CAMK2B: variants seen among roughly 807,000 people sequenced by gnomAD.
CAMK2B encodes calcium/calmodulin dependent protein kinase II beta.
In CAMK2B, 27 loss-of-function variants were observed where a neutral mutation model predicts 93.7. That is an observed-to-expected ratio of 0.29 (90% CI 0.21 to 0.40). The LOEUF is 0.40. Ranked by LOEUF, CAMK2B falls within the 10% of genes least tolerant of loss-of-function variation. The probability of loss-of-function intolerance (pLI) is 1.00; values close to 1 mark genes in which losing one functional copy is unlikely to be tolerated. For missense variants in CAMK2B, 568 were observed against 895.8 expected (o/e 0.63, Z 4.67); for synonymous variants, 374 against 358.8 (o/e 1.04, Z -0.48).
chr7:44,282,591 G>A (rs1237224267), intron 2 of CAMK2B, among the ~76,000 whole-genome samples: 1 of 152,216 alleles, frequency 6.6e-6, no homozygotes, highest in Non-Finnish European at 1.5e-5. Context: ...GACAAGGGCT[G>A]GGACAGGAGC....
In CAMK2B at chr7:44,320,533, C is replaced by T. The variant is rs551648056; in HGVS notation, c.65+4824G>A. 4.4e-4 allele frequency among the ~76,000 whole-genome samples: 67 copies of T among 152,240 alleles called. 1 individual carries two copies. In the South Asian group the frequency reaches 0.013, roughly 30 times the overall value. On this transcript the variant is annotated intron_variant, in intron 1 of 23. Coordinates refer to ENST00000395749, the MANE Select transcript of CAMK2B (RefSeq NM_001220.5). ...TACAGTACCTACTTCACAGATCTAG[C>T]GCGTTAATATAATAAGCACCATTTA...
At chr7:44,308,967 G>A (rs551193657) in intron 1 of CAMK2B, among the ~76,000 whole-genome samples, 2 of 152,346 alleles carry the variant, frequency 1.3e-5, no homozygotes, top group African/African-American at 4.8e-5. Context: ...ACTGAGCTGC[G>A]GTGACCAGCC....
chr7:44,248,067 A>G lies in CAMK2B; in HGVS notation c.342-875T>C, dbSNP rs1045804817. 3.3e-5 allele frequency among the ~76,000 whole-genome samples: 5 copies of G among 152,282 alleles called. No individual in the cohort carries two copies. The highest frequency in any genetic ancestry group is 1.2e-4 in the African/African-American group (5 of 41,554). ...TAAAAAGTGAAACCCAAGCTGCCAC[A>G]TTGGCTGGTGGCTGCCGTGTTGGGT... On this transcript the variant is annotated intron_variant, in intron 5 of 23. Transcript: ENST00000395749. This position sits in a 1 kb window ranked among gnomAD's most constrained non-coding sequence, Gnocchi z 4.1.
chr7:44,220,930 T>C (rs1161634975), intron 20 of CAMK2B, 29 bp from the exon 21 acceptor site: 9 of 1,543,472 alleles, frequency 5.8e-6, no homozygotes, highest in African/African-American at 4.1e-5. Flanking sequence ...AGGTGACCAC[T>C]GGGCGCTGGC....
At chr7:44,322,945 G>GT (rs1796483884) in intron 1 of CAMK2B, among the ~76,000 whole-genome samples, 1 of 152,220 alleles carries the variant, frequency 6.6e-6, no homozygotes, top group Admixed American at 6.5e-5. Flanking sequence ...CACCAACTGT[G>GT]CCCTGGGCAG....
At chr7:44,262,899 G>A in intron 3 of CAMK2B, 106 bp downstream of exon 3, 1 of 964,874 alleles carries the variant, frequency 1.0e-6, no homozygotes, top group Non-Finnish European at 1.6e-6. Flanking sequence ...GAGAAGAAAA[G>A]GAAGTCTTTC....
chr7:44,307,042 G>GGGTGTGA (rs1791946973), intron 1 of CAMK2B, among the ~76,000 whole-genome samples: 1 of 131,566 alleles, frequency 7.6e-6, no homozygotes, highest in Non-Finnish European at 1.6e-5. Flanking sequence ...AGGGAGAGGA[G>GGGTGTGA]GCGGTGAGCA....
rs201376130 is a variant in CAMK2B at position 44,307,873 on chromosome 7, A to AT, written c.65+17483dup. On this transcript the variant is annotated intron_variant, in intron 1 of 23. Transcript: ENST00000395749. The stretch of plus-strand genomic sequence containing the variant: ...CCGTACTTCAACTGGGGTTTTGGCC[A>AT]TTTTTTTTTAACTGGGGGGCCTCAT... 1.0e-3 allele frequency among the ~76,000 whole-genome samples: 153 copies of AT among 150,888 alleles called. 2 individuals are homozygous for AT. Among genetic ancestry groups the AT allele is most frequent in the Middle Eastern group, 6.8e-3 (2 of 294 alleles).
Position 44,284,150 on chromosome 7 carries a change from G to T in CAMK2B, c.141C>A (p.Thr47=). ...CCCTACCTCTGGCTGACAGCTTCTT[G>T]GTGTTGATGATCTTGGCTGCATACT... ...GHEYAAKIIN[T]KKLSARDHQK... The change falls in exon 2 of 24, where the codon ACC becomes ACA. Residue 47 remains threonine, a synonymous_variant. Coordinates refer to ENST00000395749, the MANE Select transcript of CAMK2B (RefSeq NM_001220.5). 6.2e-7 allele frequency: 1 copy of T among 1,613,304 alleles called. No homozygotes were observed. Among genetic ancestry groups the T allele is most frequent in the Non-Finnish European group, 8.5e-7 (1 of 1,179,392 alleles).
chr7:44,229,409 AGG>A lies in CAMK2B; in HGVS notation c.1316_1317del (p.Pro439LeufsTer2). Reference sequence around the variant, plus strand: ...TTACATGGGGCTGGCAGGGGGCTAAAGGGAGCCGGAGATGGGCAGGGCAGGGG... The same window carrying A: ...TTACATGGGGCTGGCAGGGGGCTAAAGAGCCGGAGATGGGCAGGGCAGGGG... ...EGPLPCPSPA[P>X]FSPLPAPSPR... is the part of the protein sequence containing the mutation. On this transcript the variant is annotated frameshift_variant, in exon 18 of 24. Transcript: ENST00000395749. LOFTEE classifies it high-confidence loss of function. 6.7e-7 allele frequency: 1 copy of A among 1,500,294 alleles called. No homozygotes were observed. Among genetic ancestry groups the A allele is most frequent in the Non-Finnish European group, 8.9e-7 (1 of 1,123,276 alleles). 92.9% of individuals were successfully genotyped at this position (1,500,294 alleles called of 1,614,324 possible). A position where few individuals can be genotyped will look rare whatever the true frequency, so the allele number is the denominator to read the frequency against.
chr7:44,223,884 C>T (rs979101255), intron 20 of CAMK2B, among the ~76,000 whole-genome samples: 6 of 152,206 alleles, frequency 3.9e-5, no homozygotes, highest in African/African-American at 1.4e-4. Flanking sequence ...GAGACAGCTG[C>T]CCCTCCCACT....
Position 44,225,387 on chromosome 7 carries a change from G to T in CAMK2B, c.1597+1129C>A, listed in dbSNP as rs997278046. ...GCGGTGCACCCACCCCAGCTGCACG[G>T]CGGCCCCTCCCCATGCCTCCCTCCT... On this transcript the variant is annotated intron_variant, in intron 20 of 23. Coordinates refer to ENST00000395749, the MANE Select transcript of CAMK2B (RefSeq NM_001220.5). The surrounding 1 kb of genome is among the most constrained non-coding windows in gnomAD (Gnocchi z 5.0). 6.6e-6 allele frequency among the ~76,000 whole-genome samples: 1 copy of T among 152,058 alleles called. No homozygotes were observed. Among genetic ancestry groups the T allele is most frequent in the South Asian group, 2.1e-4 (1 of 4,818 alleles).
At chr7:44,226,444 A>T in intron 20 of CAMK2B, 72 bp downstream of exon 20, 1 of 1,237,638 alleles carries the variant, frequency 8.1e-7, no homozygotes, top group Non-Finnish European at 1.1e-6. Flanking sequence ...TTCCCAGAGC[A>T]CCACTGCCAG....
intron 1 of CAMK2B, among the ~76,000 whole-genome samples, chr7:44,315,756 G>T (rs112519457): frequency 0.01 from 1,562 of 152,172 alleles, 9 homozygotes; most frequent in Non-Finnish European, 0.017. Flanking sequence ...GTGGTTTGTG[G>T]TTTTCAATGT....
chr7:44,283,671 T>C (rs1202166046), intron 2 of CAMK2B, among the ~76,000 whole-genome samples: 2 of 152,196 alleles, frequency 1.3e-5, no homozygotes, highest in Admixed American at 1.3e-4. Flanking sequence ...CACTGCCCGG[T>C]CACCTGAAAC....
chr7:44,323,086 C>T (rs1796529013), intron 1 of CAMK2B, among the ~76,000 whole-genome samples: 6 of 152,244 alleles, frequency 3.9e-5, no homozygotes, highest in Admixed American at 3.9e-4. Flanking sequence ...AGCTCCCTGG[C>T]CCACCTCTAT....
At chr7:44,277,317 C>T (rs1357621778) in intron 2 of CAMK2B, among the ~76,000 whole-genome samples, 1 of 152,184 alleles carries the variant, frequency 6.6e-6, no homozygotes, top group Non-Finnish European at 1.5e-5. Flanking sequence ...AGTACATTCA[C>T]CAACTTTGAA....
Position 44,325,561 on chromosome 7 carries a change from G to A in CAMK2B, c.-140C>T. 1 of 274,504 alleles carries A rather than the reference G, an allele frequency of 3.6e-6. No individual in the cohort carries two copies. Among genetic ancestry groups the A allele is most frequent in the Non-Finnish European group, 5.5e-6 (1 of 182,672 alleles). The allele number at this position is 274,504 out of a possible 1,614,324, so 17.0% of individuals were successfully genotyped here. On this transcript the variant is annotated 5_prime_UTR_variant, in exon 1 of 24. Coordinates refer to ENST00000395749, the MANE Select transcript of CAMK2B (RefSeq NM_001220.5). ...CGCGGCGCCAGGCGGGGGCCGGGCT[G>A]GGCTGCGCCGGGCGGCGAGCGCACG...
At chr7:44,265,780 A>G (rs1244469231) in intron 2 of CAMK2B, among the ~76,000 whole-genome samples, 1 of 152,216 alleles carries the variant, frequency 6.6e-6, no homozygotes, top group African/African-American at 2.4e-5. Context: ...TGGTGGCCAT[A>G]CAGGTTGCTG....
Sources: gnomAD v4.1 joint callset for allele counts (sites outside exome capture counted in the v4.1 genomes callset) on GRCh38, gnomAD v4.1.1 for gene constraint, Gnocchi (gnomAD v3.1) non-coding constraint, MANE v1.5 for transcripts, NCBI Gene and HGNC (gene_info 2026-07-23, HGNC 2026-07-21) for gene names.